RBX1: variants seen among roughly 807,000 people sequenced by gnomAD.
RBX1 encodes the protein E3 ubiquitin-protein ligase RBX1.
For synonymous variants in RBX1, 48 were observed against 47.9 expected (o/e 1.00, Z -0.01); for missense variants, 46 against 141.4 (o/e 0.33, Z 3.42).
At chr22:40,971,317 C>A (rs900742853) in intron 4 of RBX1, among the ~76,000 whole-genome samples, 1 of 152,166 alleles carries the variant, frequency 6.6e-6, no homozygotes, top group Non-Finnish European at 1.5e-5. Flanking sequence ...ATCTCACATG[C>A]TAGAGCCTAA....
At chr22:40,957,119 G>A (rs1007531720) in intron 2 of RBX1, among the ~76,000 whole-genome samples, 6 of 151,944 alleles carry the variant, frequency 3.9e-5, no homozygotes, top group Admixed American at 1.3e-4. Flanking sequence ...AGGCTGAGGC[G>A]GGGGGATCAT....
chr22:40,954,236 T>C lies in RBX1; in HGVS notation c.157+603T>C, dbSNP rs914030190. Reference sequence around the variant, plus strand: ...GTGAGCCGAGATCACACCACTGCACTACAACCTGGGCGACACAGCAAGACT... The same window carrying C: ...GTGAGCCGAGATCACACCACTGCACCACAACCTGGGCGACACAGCAAGACT... On this transcript the variant is annotated intron_variant, in intron 2 of 4. Coordinates refer to ENST00000216225, the MANE Select transcript of RBX1 (RefSeq NM_014248.4). Among the ~76,000 whole-genome samples the C allele has an allele frequency of 1.0e-3, 154 of 148,152 alleles. 2 individuals are homozygous for C. The highest frequency in any genetic ancestry group is 5.9e-5 in the Non-Finnish European group (4 of 67,376).
At chr22:40,955,230 A>G (rs2058322069) in intron 2 of RBX1, among the ~76,000 whole-genome samples, 1 of 151,006 alleles carries the variant, frequency 6.6e-6, no homozygotes, top group South Asian at 2.1e-4. Context: ...GCCAGTACAA[A>G]CACGTATATA....
At chr22:40,962,094 T>G (rs188482143) in intron 2 of RBX1, among the ~76,000 whole-genome samples, 6 of 151,894 alleles carry the variant, frequency 4.0e-5, no homozygotes, top group East Asian at 1.9e-4. Context: ...TTTTATGGTT[T>G]GTTTGTTTGT....
At chr22:40,967,559 C>T (rs1388158085) in intron 3 of RBX1, 1 of 408,122 alleles carries the variant, frequency 2.5e-6, no homozygotes, top group Non-Finnish European at 4.5e-6. Context: ...CTGGCACATA[C>T]TCCTGTGCTT....
Position 40,964,076 on chromosome 22 carries a change from G to C in RBX1, c.187G>C (p.Ala63Pro). ...AGAATGTCAAGCTAACCAGGCGTCC[G>C]CTACTTCAGAAGAGTGTACTGTCGC... Reference protein sequence around the residue: ...CIECQANQASATSEECTVAWG... With the variant: ...CIECQANQASPTSEECTVAWG... The change falls in exon 3 of 5, where the codon GCT becomes CCT. Residue 63 changes from alanine (A) to proline (P), a missense_variant. Ala to Pro is a conservative substitution (Grantham distance 27, BLOSUM62 -1). Coordinates refer to ENST00000216225, the MANE Select transcript of RBX1 (RefSeq NM_014248.4). 6.2e-7 allele frequency: 1 copy of C among 1,614,024 alleles called. No individual in the cohort carries two copies. The highest frequency in any genetic ancestry group is 8.5e-7 in the Non-Finnish European group (1 of 1,179,932).
At chr22:40,967,670 C>G in intron 3 of RBX1, 129 bp from the exon 4 acceptor site, 1 of 628,166 alleles carries the variant, frequency 1.6e-6, no homozygotes, top group South Asian at 2.1e-5. Context: ...GAACTTTTGC[C>G]TCTCGTTGTC....
intron 3 of RBX1, chr22:40,966,071 G>A (rs907329370): frequency 6.6e-6 from 1 of 152,126 alleles, no homozygotes; most frequent in African/African-American, 2.4e-5. Flanking sequence ...CCAGCTCCAT[G>A]AATTAGGCAA....
intron 2 of RBX1, among the ~76,000 whole-genome samples, chr22:40,955,654 T>C (rs1467927440): frequency 3.3e-5 from 5 of 152,244 alleles, no homozygotes; most frequent in Non-Finnish European, 7.3e-5. Flanking sequence ...AACTACTTTA[T>C]TGTGCAATGT....
At chr22:40,970,441 T>C (rs1211851452) in intron 4 of RBX1, among the ~76,000 whole-genome samples, 1 of 152,066 alleles carries the variant, frequency 6.6e-6, no homozygotes. Context: ...TTATACTCCC[T>C]CCAAACAGTG....
intron 3 of RBX1, among the ~76,000 whole-genome samples, chr22:40,964,856 C>T (rs1411913291): frequency 6.6e-6 from 1 of 152,134 alleles, no homozygotes; most frequent in Non-Finnish European, 1.5e-5. Context: ...TGCTAAGTGA[C>T]GTTAGGCAAG....
intron 4 of RBX1, among the ~76,000 whole-genome samples, chr22:40,970,780 T>G (rs1174412573): frequency 6.6e-6 from 1 of 152,216 alleles, no homozygotes; most frequent in African/African-American, 2.4e-5. Context: ...TGTGAAATGT[T>G]TAGAAATCCA....
intron 2 of RBX1, among the ~76,000 whole-genome samples, chr22:40,955,040 G>C (rs2058321521): frequency 6.6e-6 from 1 of 151,994 alleles, no homozygotes; most frequent in African/African-American, 2.4e-5. Flanking sequence ...GCGTGCCTCT[G>C]CCTCCCAAAG....
chr22:40,967,208 G>A (rs950463788), intron 3 of RBX1: 1 of 152,164 alleles, frequency 6.6e-6, no homozygotes, highest in African/African-American at 2.4e-5. Context: ...CTGAGCTCTT[G>A]TAATATCAAT....
chr22:40,954,145 T>G (rs5995969), intron 2 of RBX1, among the ~76,000 whole-genome samples: 12 of 152,098 alleles, frequency 7.9e-5, no homozygotes, highest in African/African-American at 2.9e-4. Flanking sequence ...GGTGCATGTC[T>G]GTAATCCCAG....
intron 2 of RBX1, among the ~76,000 whole-genome samples, chr22:40,960,105 G>C (rs978487936): frequency 2.6e-5 from 4 of 151,882 alleles, no homozygotes; most frequent in African/African-American, 9.7e-5. Context: ...AACAGAGCGA[G>C]ACTGTCTAAA....
Position 40,953,539 on chromosome 22 carries a change from CT to C in RBX1, c.79-11del. ...TTACAAGCAGAATGCACTGTTCCCTCTTTTTGTCTTTGCAGTGGAATGCAGT... is the reference window on the plus strand; with the variant it reads ...TTACAAGCAGAATGCACTGTTCCCTCTTTTGTCTTTGCAGTGGAATGCAGT... On this transcript the variant is annotated splice_polypyrimidine_tract_variant and intron_variant, in intron 1 of 4. Coordinates refer to ENST00000216225, the MANE Select transcript of RBX1 (RefSeq NM_014248.4). 6 of 1,583,692 alleles carry C rather than the reference CT, an allele frequency of 3.8e-6. No homozygotes were observed. Among genetic ancestry groups the C allele is most frequent in the Non-Finnish European group, 2.6e-6 (3 of 1,153,512 alleles).
intron 4 of RBX1, 119 bp from the exon 5 acceptor site, chr22:40,972,357 T>C (rs2146305449): frequency 1.4e-6 from 1 of 719,220 alleles, no homozygotes; most frequent in East Asian, 2.6e-5. Context: ...CACCTAATCC[T>C]GGAGCACACT....
chr22:40,971,258 A>C (rs2058368387), intron 4 of RBX1, among the ~76,000 whole-genome samples: 1 of 152,170 alleles, frequency 6.6e-6, no homozygotes, highest in Non-Finnish European at 1.5e-5. Context: ...TGCTTTGGGA[A>C]AACAAATTCT....
Sources: allele counts gnomAD v4.1 joint callset (sites outside exome capture counted in the v4.1 genomes callset), GRCh38; gene constraint gnomAD v4.1.1; transcripts MANE v1.5; gene names NCBI Gene and HGNC (gene_info 2026-07-23, HGNC 2026-07-21).